The following EPAS1 variants were observed in gnomAD, a reference collection of about 807,000 sequenced individuals.
EPAS1 encodes endothelial PAS domain-containing protein 1.
EPAS1 carries 23 observed loss-of-function variants against 87.9 expected under a neutral mutation model. The ratio of observed to expected loss-of-function variants is 0.26; its 90% CI spans 0.19 to 0.37. The LOEUF (loss-of-function observed/expected upper bound fraction) is 0.37, where lower values mean the gene tolerates loss of function less well. Ranked by LOEUF, EPAS1 falls within the 10% of genes least tolerant of loss-of-function variation. The pLI is 1.00. For synonymous variants in EPAS1, 508 were observed against 444.3 expected (o/e 1.14, Z -1.80); for missense variants, 1,138 against 1,120.7 (o/e 1.02, Z -0.22).
intron 1 of EPAS1, among the ~76,000 whole-genome samples, chr2:46,325,657 C>T (rs533964911): frequency 6.6e-6 from 1 of 152,288 alleles, no homozygotes; most frequent in East Asian, 1.9e-4. Flanking sequence ...AGGAGGAGTT[C>T]CATGACCATT....
At position 46,350,112 on chromosome 2, in the gene EPAS1, T is replaced by C. The variant is rs188801636; in HGVS notation, c.217+3049T>C. 4.3e-4 allele frequency among the ~76,000 whole-genome samples: 66 copies of C among 152,324 alleles called. 1 individual carries two copies. The East Asian group carries it at 9.1e-3, about 21-fold the overall frequency. On this transcript the variant is annotated intron_variant, in intron 2 of 15. Transcript: ENST00000263734. ...AAATTATTATGAACAAATATATTGA[T>C]TTATATTAAATATAGGCTTCTGGAG...
chr2:46,341,991 C>A (rs1683922388), intron 1 of EPAS1, among the ~76,000 whole-genome samples: 1 of 152,184 alleles, frequency 6.6e-6, no homozygotes, highest in Non-Finnish European at 1.5e-5. Context: ...CCACCACACA[C>A]ACACCCACCC....
At chr2:46,302,151 C>T (rs1422413828) in intron 1 of EPAS1, among the ~76,000 whole-genome samples, 3 of 81,676 alleles carry the variant, frequency 3.7e-5, no homozygotes, top group South Asian at 4.3e-4. Context: ...TGTGTGTGTG[C>T]CCGTGCGTCG....
intron 1 of EPAS1, among the ~76,000 whole-genome samples, chr2:46,320,444 G>A (rs1316459367): frequency 6.6e-6 from 1 of 152,240 alleles, no homozygotes; most frequent in African/African-American, 2.4e-5. Flanking sequence ...ACGTGGAAAA[G>A]TGCACGCCGC....
rs1682975185 is a variant in EPAS1, at chr2:46,300,477, T to C, written c.26+2540T>C. ...TATGTTAATGTTTAATAATAAAGAGTTTGCTTTCTAAATGTTAGTTGGCTG... is the reference window on the plus strand; with the variant it reads ...TATGTTAATGTTTAATAATAAAGAGCTTGCTTTCTAAATGTTAGTTGGCTG... On this transcript the variant is annotated intron_variant, in intron 1 of 15. Transcript: ENST00000263734. This position sits in a 1 kb window ranked among gnomAD's most constrained non-coding sequence, Gnocchi z 4.1. 1.3e-5 allele frequency among the ~76,000 whole-genome samples: 2 copies of C among 152,050 alleles called. No homozygotes were observed. Among genetic ancestry groups the C allele is most frequent in the Admixed American group, 6.5e-5 (1 of 15,274 alleles).
At chr2:46,358,539 GT>G (rs1684316846) in intron 4 of EPAS1, among the ~76,000 whole-genome samples, 1 of 152,230 alleles carries the variant, frequency 6.6e-6, no homozygotes, top group Admixed American at 6.5e-5. Flanking sequence ...CATAGTCTGA[GT>G]TTGAGTCTGT....
chr2:46,303,070 C>T (rs1031230511), intron 1 of EPAS1, among the ~76,000 whole-genome samples: 1 of 152,066 alleles, frequency 6.6e-6, no homozygotes, highest in African/African-American at 2.4e-5. Flanking sequence ...GAGACAACGT[C>T]AAAGAAAGAA....
intron 1 of EPAS1, among the ~76,000 whole-genome samples, chr2:46,327,423 G>C (rs1456138725): frequency 6.6e-6 from 1 of 152,168 alleles, no homozygotes; most frequent in African/African-American, 2.4e-5. Flanking sequence ...GAATGGACCA[G>C]AGTAGTCAGG....
At chr2:46,362,024 A>T (rs1452194062) in intron 6 of EPAS1, among the ~76,000 whole-genome samples, 3 of 152,202 alleles carry the variant, frequency 2.0e-5, no homozygotes, top group Non-Finnish European at 4.4e-5. Flanking sequence ...GGCCCAGGGT[A>T]GGCCTGGCTT....
chr2:46,368,445 G>C (rs1476201221), intron 6 of EPAS1, among the ~76,000 whole-genome samples: 2 of 152,194 alleles, frequency 1.3e-5, no homozygotes, highest in African/African-American at 4.8e-5. Flanking sequence ...TGGAGAGTAG[G>C]TTCTGGGGGG....
In EPAS1 at chr2:46,361,812, T is replaced by G. The variant is rs116768791; in HGVS notation, c.779+722T>G. Among the ~76,000 whole-genome samples the G allele has an allele frequency of 5.4e-3, 820 of 152,274 alleles. 10 individuals are homozygous for G. Among genetic ancestry groups the G allele is most frequent in the African/African-American group, 0.018 (763 of 41,534 alleles). On this transcript the variant is annotated intron_variant, in intron 6 of 15. Coordinates refer to ENST00000263734, the MANE Select transcript of EPAS1 (RefSeq NM_001430.5). ...ATGCCATCTCGGGTTCTTAGCTCAT[T>G]TAGAAGATTGAAGCAGGTGGGGAAG...
At chr2:46,325,723 GGT>G (rs1683549544) in intron 1 of EPAS1, among the ~76,000 whole-genome samples, 1 of 152,108 alleles carries the variant, frequency 6.6e-6, no homozygotes, top group Non-Finnish European at 1.5e-5. Flanking sequence ...TCACTTCCAG[GGT>G]GTTTTATATT....
intron 2 of EPAS1, among the ~76,000 whole-genome samples, chr2:46,353,304 C>T (rs969299102): frequency 6.6e-6 from 1 of 152,222 alleles, no homozygotes; most frequent in African/African-American, 2.4e-5. Flanking sequence ...GCAGGGTCAG[C>T]GTCACCTGGG....
At chr2:46,355,740 G>A (rs909443921) in intron 2 of EPAS1, among the ~76,000 whole-genome samples, 1 of 152,240 alleles carries the variant, frequency 6.6e-6, no homozygotes, top group African/African-American at 2.4e-5. Flanking sequence ...CTAGAGGGCT[G>A]AAATAAAGTC....
In EPAS1 at chr2:46,356,423, C is replaced by T. The variant is rs144751736; in HGVS notation, c.369+121C>T. On this transcript the variant is annotated intron_variant, in intron 3 of 15. Transcript: ENST00000263734. ...CCCTGCAAATGCCCACGGTGACCCT[C>T]GCTGACCTCAGGCCACACGCCTCAG... 341 of 1,323,914 alleles carry T rather than the reference C, an allele frequency of 2.6e-4. 3 individuals carry two copies. The Middle Eastern group carries it at 3.3e-3, about 13-fold the overall frequency. The allele number at this position is 1,323,914 out of a possible 1,614,324, so 82.0% of individuals were successfully genotyped here.
chr2:46,298,203 G>T (rs559191575), intron 1 of EPAS1, among the ~76,000 whole-genome samples: 1 of 152,304 alleles, frequency 6.6e-6, no homozygotes, highest in Non-Finnish European at 1.5e-5. Flanking sequence ...TGGCCTGGAG[G>T]TCGGAGGTGC....
chr2:46,377,281 G>T (rs1168100313), intron 9 of EPAS1, among the ~76,000 whole-genome samples: 2 of 152,252 alleles, frequency 1.3e-5, no homozygotes, highest in African/African-American at 2.4e-5. Context: ...CCCTGGGGAT[G>T]TAAGTCACTG....
rs1406443492 is a variant in EPAS1, at chr2:46,356,339, GT to G, written c.369+40del. 4 of 1,613,418 alleles carry G rather than the reference GT, an allele frequency of 2.5e-6. No homozygotes were observed. In the African/African-American group the frequency reaches 5.3e-5, roughly 22 times the overall value. On this transcript the variant is annotated intron_variant, in intron 3 of 15. Transcript: ENST00000263734. ...CTCTATCTCTTTCAAAAGAAGAAAT[GT>G]TTCCATTTGGGGGTAGAAATGAGTG... is the stretch of plus-strand genomic sequence containing the variant.
Position 46,381,215 on chromosome 2 carries a change from C to T in EPAS1, c.2046-381C>T, listed in dbSNP as rs548145782. The T allele has an allele frequency of 2.8e-4, 106 of 372,624 alleles. 1 individual carries two copies. The highest frequency in any genetic ancestry group is 2.3e-3 in the South Asian group (104 of 44,498). 23.1% of individuals were successfully genotyped at this position (372,624 alleles called of 1,614,324 possible). ...GCTGCGAGCTCACTGGGCTAAGGCA[C>T]AGGGGTTGGTACATGACCTGCCACT... is the stretch of plus-strand genomic sequence containing the variant. On this transcript the variant is annotated intron_variant, in intron 12 of 15. Coordinates refer to ENST00000263734, the MANE Select transcript of EPAS1 (RefSeq NM_001430.5).
Sources: allele counts gnomAD v4.1 joint callset (sites outside exome capture counted in the v4.1 genomes callset), GRCh38; gene constraint gnomAD v4.1.1; non-coding constraint Gnocchi (gnomAD v3.1); transcripts MANE v1.5; gene names NCBI Gene and HGNC (gene_info 2026-07-23, HGNC 2026-07-21).